DOCK3: variants seen among roughly 807,000 people sequenced by gnomAD.
The protein encoded by DOCK3 is dedicator of cytokinesis 3, also known as dedicator of cytokinesis protein 3.
DOCK3 carries 60 observed loss-of-function variants against 265.6 expected under a neutral mutation model. The observed-to-expected ratio is 0.23, with a 90% CI of 0.18 to 0.28. DOCK3 has a LOEUF of 0.28. Among genes scored for constraint, DOCK3 ranks in the 10% least tolerant of loss-of-function variants. DOCK3 has a pLI of 1.00. For missense variants in DOCK3, 1,981 were observed against 2,594.3 expected (o/e 0.76, Z 5.14); for synonymous variants, 881 against 938.0 (o/e 0.94, Z 1.11).
At chr3:51,018,853 A>C (rs2079468519) in intron 5 of DOCK3, among the ~76,000 whole-genome samples, 1 of 151,918 alleles carries the variant, frequency 6.6e-6, no homozygotes, top group Non-Finnish European at 1.5e-5. Context: ...TTTTTAAAAA[A>C]TTACCAGTGT....
intron 2 of DOCK3, chr3:50,787,626 C>G (rs2042250751): frequency 7.8e-7 from 1 of 1,275,776 alleles, no homozygotes; most frequent in East Asian, 2.4e-5. Context: ...GCTTCTTACG[C>G]TTAGGTGGCT....
At chr3:50,808,441 T>A (rs1233030263) in intron 2 of DOCK3, among the ~76,000 whole-genome samples, 3 of 152,170 alleles carry the variant, frequency 2.0e-5, no homozygotes, top group Non-Finnish European at 4.4e-5. Flanking sequence ...GGACTTATGG[T>A]ACCAGATATC....
chr3:51,210,302 GC>G (rs1290109575), intron 13 of DOCK3, among the ~76,000 whole-genome samples: 1 of 152,120 alleles, frequency 6.6e-6, no homozygotes, highest in Non-Finnish European at 1.5e-5. Flanking sequence ...ACAGACACTT[GC>G]CATTTAAACA....
chr3:50,698,397 A>G (rs548785262), intron 1 of DOCK3, among the ~76,000 whole-genome samples: 7 of 151,406 alleles, frequency 4.6e-5, no homozygotes, highest in East Asian at 1.9e-4. Flanking sequence ...TGGATATACT[A>G]TATTTGTCCA....
intron 37 of DOCK3, 128 bp from the exon 38 acceptor site, chr3:51,341,109 G>C: frequency 2.6e-6 from 3 of 1,164,984 alleles, no homozygotes; most frequent in Non-Finnish European, 3.5e-6. Context: ...TTAGTATCCA[G>C]TGTCCCCGAC....
At chr3:50,923,740 A>G (rs2108062545) in intron 4 of DOCK3, among the ~76,000 whole-genome samples, 1 of 152,278 alleles carries the variant, frequency 6.6e-6, no homozygotes, top group South Asian at 2.1e-4. Flanking sequence ...TGATTTCCTT[A>G]CTTTACCTCC....
At chr3:50,752,244 C>T (rs2039866063) in intron 1 of DOCK3, among the ~76,000 whole-genome samples, 1 of 152,120 alleles carries the variant, frequency 6.6e-6, no homozygotes, top group African/African-American at 2.4e-5. Flanking sequence ...GGTGCAGTGG[C>T]TCACCCCTGT....
chr3:50,995,959 C>T lies in DOCK3; in HGVS notation c.315+61882C>T, dbSNP rs373894514. ...TACCCCAGGCTGGGGTGCAGTGGTG[C>T]GATCTCGGCTCACTGCAGCCTCCAC... On this transcript the variant is annotated intron_variant, in intron 5 of 52. Transcript: ENST00000266037. 3.3e-4 allele frequency among the ~76,000 whole-genome samples: 50 copies of T among 152,076 alleles called. No homozygotes were observed. In the East Asian group the frequency reaches 7.2e-3, roughly 22 times the overall value.
chr3:51,280,325 C>G, intron 27 of DOCK3, 121 bp downstream of exon 27: 1 of 914,610 alleles, frequency 1.1e-6, no homozygotes, highest in South Asian at 1.7e-5. Context: ...GTAGGATTCA[C>G]CAGCCCTGCT....
intron 5 of DOCK3, among the ~76,000 whole-genome samples, chr3:50,995,887 G>A (rs1487862278): frequency 6.6e-6 from 1 of 152,114 alleles, no homozygotes; most frequent in Non-Finnish European, 1.5e-5. Context: ...ATCAAGTATT[G>A]TAGATCTCCT....
intron 32 of DOCK3, among the ~76,000 whole-genome samples, chr3:51,320,366 C>G (rs2109766924): frequency 6.6e-6 from 1 of 152,262 alleles, no homozygotes; most frequent in Non-Finnish European, 1.5e-5. Flanking sequence ...CCCTGGGTTT[C>G]AAGCACAAAA....
At chr3:50,771,284 C>T (rs1249011114) in intron 1 of DOCK3, among the ~76,000 whole-genome samples, 1 of 151,992 alleles carries the variant, frequency 6.6e-6, no homozygotes, top group Non-Finnish European at 1.5e-5. Context: ...AAAAAATGGG[C>T]AAAAGATTTG....
chr3:50,768,203 A>G (rs1347736305), intron 1 of DOCK3, among the ~76,000 whole-genome samples: 1 of 152,204 alleles, frequency 6.6e-6, no homozygotes, highest in Admixed American at 6.5e-5. Flanking sequence ...CAGTTTTCAA[A>G]GGGAATGCTT....
At chr3:50,805,414 G>T (rs1237882974) in intron 2 of DOCK3, among the ~76,000 whole-genome samples, 1 of 152,184 alleles carries the variant, frequency 6.6e-6, no homozygotes, top group East Asian at 1.9e-4. Flanking sequence ...TGGTCAGCTG[G>T]GGTTGGGGCC....
At chr3:51,220,701 G>T (rs1365673775) in intron 14 of DOCK3, among the ~76,000 whole-genome samples, 2 of 136,930 alleles carry the variant, frequency 1.5e-5, no homozygotes, top group Non-Finnish European at 3.1e-5. Context: ...GTGTGTGTGT[G>T]TGTGTGTGTA....
At chr3:51,244,284 T>G (rs534229431) in intron 21 of DOCK3, among the ~76,000 whole-genome samples, 1 of 152,266 alleles carries the variant, frequency 6.6e-6, no homozygotes, top group Admixed American at 6.5e-5. Flanking sequence ...GTAGATCACT[T>G]TGGGTAGCAT....
intron 2 of DOCK3, among the ~76,000 whole-genome samples, chr3:50,795,986 C>G (rs1422703571): frequency 6.6e-6 from 1 of 151,698 alleles, no homozygotes; most frequent in Admixed American, 6.6e-5. Context: ...AATTATATTT[C>G]TGTCATTTTA....
chr3:51,030,198 T>G (rs1334729979), intron 5 of DOCK3, among the ~76,000 whole-genome samples: 1 of 152,228 alleles, frequency 6.6e-6, no homozygotes, highest in Non-Finnish European at 1.5e-5. Context: ...CACTCCAAAC[T>G]TGACCATTCA....
intron 9 of DOCK3, among the ~76,000 whole-genome samples, chr3:51,136,567 A>AT (rs1309826733): frequency 1.3e-5 from 2 of 151,886 alleles, no homozygotes. Flanking sequence ...CAATTATAGC[A>AT]TTTTCACATC....
Sources: gnomAD v4.1 joint callset for allele counts (sites outside exome capture counted in the v4.1 genomes callset) on GRCh38, gnomAD v4.1.1 for gene constraint, MANE v1.5 for transcripts, NCBI Gene and HGNC (gene_info 2026-07-23, HGNC 2026-07-21) for gene names.